PTPRG: variants seen among roughly 807,000 people sequenced by gnomAD.
PTPRG encodes the protein protein tyrosine phosphatase receptor type G.
PTPRG carries 102 observed loss-of-function variants against 165.3 expected under a neutral mutation model. The observed-to-expected ratio is 0.62, with a 90% CI of 0.53 to 0.73. The LOEUF (loss-of-function observed/expected upper bound fraction) is 0.73, where lower values mean the gene tolerates loss of function less well. Among genes scored for constraint, PTPRG ranks in the 30% least tolerant of loss-of-function variants. The probability of loss-of-function intolerance (pLI) is 0.00; values close to 1 mark genes in which losing one functional copy is unlikely to be tolerated. For missense variants in PTPRG, 1,866 were observed against 1,861.4 expected (o/e 1.00, Z -0.05); for synonymous variants, 675 against 669.5 (o/e 1.01, Z -0.13).
chr3:62,235,543 C>T (rs540197107), intron 14 of PTPRG, among the ~76,000 whole-genome samples: 8 of 152,186 alleles, frequency 5.3e-5, no homozygotes, highest in Non-Finnish European at 8.8e-5. Context: ...GCAAGGATTT[C>T]TTGGCAAACT....
intron 2 of PTPRG, among the ~76,000 whole-genome samples, chr3:61,821,582 G>A (rs779381247): frequency 1.1e-4 from 17 of 152,174 alleles, no homozygotes; most frequent in Non-Finnish European, 2.1e-4. Flanking sequence ...AGGCTTAAAT[G>A]ATAAGTAATG....
intron 2 of PTPRG, among the ~76,000 whole-genome samples, chr3:61,831,430 T>A (rs2036291261): frequency 6.6e-6 from 1 of 152,234 alleles, no homozygotes; most frequent in Admixed American, 6.5e-5. Context: ...AGGAAGGACC[T>A]TTTGTTCCAT....
chr3:61,627,256 G>A (rs1701638830), intron 1 of PTPRG, among the ~76,000 whole-genome samples: 2 of 152,126 alleles, frequency 1.3e-5, no homozygotes, highest in African/African-American at 2.4e-5. Context: ...ATTAGTTATA[G>A]GGAAATTATG....
At chr3:61,633,468 T>C (rs945215665) in intron 1 of PTPRG, among the ~76,000 whole-genome samples, 1 of 152,374 alleles carries the variant, frequency 6.6e-6, no homozygotes. Context: ...TGAAACATTT[T>C]AATTTAATTT....
intron 9 of PTPRG, among the ~76,000 whole-genome samples, chr3:62,191,880 G>A (rs898933260): frequency 9.2e-5 from 14 of 152,170 alleles, no homozygotes; most frequent in African/African-American, 3.4e-4. Context: ...TATGCAACCC[G>A]GAGAGCCGGT....
At chr3:62,288,869 C>T (rs537613078) in intron 28 of PTPRG, among the ~76,000 whole-genome samples, 1 of 152,118 alleles carries the variant, frequency 6.6e-6, no homozygotes, top group East Asian at 1.9e-4. Context: ...TGAATGATGA[C>T]TACATGAATG....
At chr3:61,739,660 A>G (rs984766641) in intron 1 of PTPRG, among the ~76,000 whole-genome samples, 1 of 152,228 alleles carries the variant, frequency 6.6e-6, no homozygotes, top group East Asian at 1.9e-4. Flanking sequence ...GAAGAATTAC[A>G]TGAGCCTGTG....
intron 2 of PTPRG, chr3:61,770,775 A>G (rs566498062): frequency 6.6e-6 from 1 of 152,230 alleles, no homozygotes; most frequent in Admixed American, 6.5e-5. Flanking sequence ...ATATTTTAAT[A>G]CAATTAAAAG....
intron 2 of PTPRG, among the ~76,000 whole-genome samples, chr3:61,954,715 C>A (rs1165187398): frequency 6.6e-6 from 1 of 152,134 alleles, no homozygotes; most frequent in Non-Finnish European, 1.5e-5. Context: ...ATACTACATC[C>A]ATTATTTTTC....
rs538748320 is a variant in PTPRG, at chr3:61,955,823, C to T, written c.191-33802C>T. On this transcript the variant is annotated intron_variant, in intron 2 of 29. Coordinates refer to ENST00000474889, the MANE Select transcript of PTPRG (RefSeq NM_002841.4). ...TACTGATATACTTGAGAAAGTTCTCCTTTAACAACAGGTGATTTTAATATT... is the reference window on the plus strand; with the variant it reads ...TACTGATATACTTGAGAAAGTTCTCTTTTAACAACAGGTGATTTTAATATT... Among the ~76,000 whole-genome samples, 459 of 152,188 alleles carry T rather than the reference C, an allele frequency of 3.0e-3. 1 individual carries two copies. The highest frequency in any genetic ancestry group is 5.2e-3 in the Non-Finnish European group (357 of 68,014).
At chr3:61,620,659 G>T (rs755140517) in intron 1 of PTPRG, among the ~76,000 whole-genome samples, 3 of 151,612 alleles carry the variant, frequency 2.0e-5, no homozygotes, top group Admixed American at 6.6e-5. Flanking sequence ...TGGAGTTAAC[G>T]CTCTTGTCAC....
chr3:62,268,381 C>G (rs1701951587), intron 19 of PTPRG, among the ~76,000 whole-genome samples: 1 of 152,048 alleles, frequency 6.6e-6, no homozygotes, highest in Admixed American at 6.6e-5. Context: ...ATAAAAGCTA[C>G]ACTTCAAGGA....
chr3:61,900,148 T>C (rs2038461877), intron 2 of PTPRG, among the ~76,000 whole-genome samples: 1 of 152,198 alleles, frequency 6.6e-6, no homozygotes, highest in African/African-American at 2.4e-5. Context: ...ATAGTGTTTT[T>C]TTTTTTAAAT....
At chr3:62,042,790 TC>T (rs1700169852) in intron 4 of PTPRG, among the ~76,000 whole-genome samples, 1 of 152,160 alleles carries the variant, frequency 6.6e-6, no homozygotes, top group African/African-American at 2.4e-5. Context: ...GCCCTACGAA[TC>T]CCTGTGTGCT....
At chr3:62,126,735 G>T (rs1467853761) in intron 5 of PTPRG, among the ~76,000 whole-genome samples, 6 of 152,190 alleles carry the variant, frequency 3.9e-5, no homozygotes, top group Admixed American at 2.0e-4. Flanking sequence ...TCCACACTTG[G>T]TTACTCATCT....
intron 1 of PTPRG, among the ~76,000 whole-genome samples, chr3:61,572,775 A>G (rs1700086233): frequency 1.3e-5 from 2 of 152,298 alleles, no homozygotes; most frequent in African/African-American, 4.8e-5. Flanking sequence ...TTAACCTGAA[A>G]TTAAATAGTG....
chr3:61,791,028 G>T (rs912709633), intron 2 of PTPRG, among the ~76,000 whole-genome samples: 1 of 152,066 alleles, frequency 6.6e-6, no homozygotes, highest in South Asian at 2.1e-4. Context: ...TAAAGATGTC[G>T]GTTAACAGTT....
intron 4 of PTPRG, among the ~76,000 whole-genome samples, chr3:62,030,008 CA>C (rs1559755981): frequency 1.3e-5 from 2 of 152,084 alleles, no homozygotes; most frequent in African/African-American, 4.8e-5. Context: ...TGTTAAAGGA[CA>C]GGGGTTTGAT....
intron 12 of PTPRG, among the ~76,000 whole-genome samples, chr3:62,205,016 A>AT (rs1340253151): frequency 6.6e-6 from 1 of 152,068 alleles, no homozygotes; most frequent in Non-Finnish European, 1.5e-5. Flanking sequence ...GCAAAAAAAA[A>AT]GCAACTGGTA....
Sources: gnomAD v4.1 joint callset for allele counts (sites outside exome capture counted in the v4.1 genomes callset) on GRCh38, gnomAD v4.1.1 for gene constraint, MANE v1.5 for transcripts, NCBI Gene and HGNC (gene_info 2026-07-23, HGNC 2026-07-21) for gene names.